The following KDM4C variants were observed in gnomAD, a reference collection of about 807,000 sequenced individuals.
KDM4C encodes lysine demethylase 4C, also known as lysine-specific demethylase 4C.
In KDM4C, 81 loss-of-function variants were observed where a neutral mutation model predicts 129.3. The observed-to-expected ratio is 0.63, with a 90% CI of 0.52 to 0.75. The LOEUF is 0.75. KDM4C is among the 30% of genes least tolerant of loss of function. KDM4C has a pLI of 0.00. For synonymous variants in KDM4C, 573 were observed against 456.1 expected, an observed-to-expected ratio of 1.26 and a Z score of -3.26; for missense variants, 1,457 against 1,304.0, an observed-to-expected ratio of 1.12 and a Z score of -1.81.
At chr9:6,891,884 A>G (rs964486214) in intron 7 of KDM4C, among the ~76,000 whole-genome samples, 1 of 152,180 alleles carries the variant, frequency 6.6e-6, no homozygotes, top group Non-Finnish European at 1.5e-5. Flanking sequence ...GGGGCATGGG[A>G]TATACAGGTA....
intron 19 of KDM4C, among the ~76,000 whole-genome samples, chr9:7,160,732 A>G (rs1021339013): frequency 1.3e-5 from 2 of 152,106 alleles, no homozygotes; most frequent in African/African-American, 4.8e-5. Context: ...CACCTATATG[A>G]GGTGTCTGTT....
intron 19 of KDM4C, among the ~76,000 whole-genome samples, chr9:7,148,431 C>T (rs750487598): frequency 6.1e-4 from 93 of 152,298 alleles, no homozygotes; most frequent in Middle Eastern, 3.4e-3. Flanking sequence ...AGCTCTTTCC[C>T]GTTGTGTGGG....
intron 1 of KDM4C, among the ~76,000 whole-genome samples, chr9:6,730,910 A>G (rs1046279309): frequency 6.6e-6 from 1 of 152,174 alleles, no homozygotes; most frequent in Non-Finnish European, 1.5e-5. Flanking sequence ...GTTACAGGCA[A>G]ATACTCCTAA....
chr9:6,839,948 T>C (rs77434087), intron 4 of KDM4C, among the ~76,000 whole-genome samples: 9,955 of 151,176 alleles, frequency 0.066, 480 homozygotes, highest in Non-Finnish European at 0.1. Flanking sequence ...AGAAACACCA[T>C]GTCACAATGC....
chr9:6,910,114 T>A (rs1819018396), intron 8 of KDM4C, among the ~76,000 whole-genome samples: 1 of 152,180 alleles, frequency 6.6e-6, no homozygotes, highest in Admixed American at 6.5e-5. Context: ...TAAAACCATG[T>A]TTTAAGGAAA....
chr9:6,881,853 G>A (rs1844506437), intron 6 of KDM4C, among the ~76,000 whole-genome samples: 1 of 152,194 alleles, frequency 6.6e-6, no homozygotes, highest in African/African-American at 2.4e-5. Flanking sequence ...ATTGAATTCT[G>A]CTAAATAATT....
intron 17 of KDM4C, among the ~76,000 whole-genome samples, chr9:7,091,932 C>G (rs948894837): frequency 1.3e-5 from 2 of 152,200 alleles, no homozygotes; most frequent in Non-Finnish European, 2.9e-5. Flanking sequence ...ACATGCTTCT[C>G]TGCGCTGTTT....
At chr9:6,931,724 C>T (rs1823775150) in intron 8 of KDM4C, among the ~76,000 whole-genome samples, 1 of 152,152 alleles carries the variant, frequency 6.6e-6, no homozygotes, top group Admixed American at 6.5e-5. Flanking sequence ...TGGTCTTGAA[C>T]TGCTGGACTC....
chr9:6,975,313 C>T lies in KDM4C; in HGVS notation c.922-5612C>T, dbSNP rs75776708. Among the ~76,000 whole-genome samples, 3 of 152,286 alleles carry T rather than the reference C, an allele frequency of 2.0e-5. No individual in the cohort carries two copies. The East Asian group carries it at 5.8e-4, about 29-fold the overall frequency. On this transcript the variant is annotated intron_variant, in intron 8 of 21. Coordinates refer to ENST00000381309, the MANE Select transcript of KDM4C (RefSeq NM_015061.6). Reference sequence around the variant, plus strand: ...GAAAGCAAATATAATGAGTCCCGGACATTTATTTGCAGCTACAATTTCAGT... The same window carrying T: ...GAAAGCAAATATAATGAGTCCCGGATATTTATTTGCAGCTACAATTTCAGT...
chr9:6,856,539 CGTGTGTGT>C (rs201267627), intron 5 of KDM4C, among the ~76,000 whole-genome samples: 108 of 131,594 alleles, frequency 8.2e-4, no homozygotes, highest in Admixed American at 2.5e-3. Flanking sequence ...TCTCTGTGTG[CGTGTGTGT>C]GTGTGTGTGT....
At position 6,917,383 on chromosome 9, in the gene KDM4C, TC is replaced by T. The variant is rs58236243; in HGVS notation, c.921+24152del. Among the ~76,000 whole-genome samples the T allele has an allele frequency of 2.7e-3, 404 of 152,330 alleles. 2 individuals are homozygous for T. Among genetic ancestry groups the T allele is most frequent in the African/African-American group, 9.2e-3 (384 of 41,574 alleles). On this transcript the variant is annotated intron_variant, in intron 8 of 21. Coordinates refer to ENST00000381309, the MANE Select transcript of KDM4C (RefSeq NM_015061.6). ...GATCCTACTTTTCATGGTTGCTCAC[TC>T]ACCTCAACTTCTTACTTCCCCCTTT...
intron 1 of KDM4C, among the ~76,000 whole-genome samples, chr9:6,762,958 C>A (rs1238763535): frequency 6.6e-6 from 1 of 151,950 alleles, no homozygotes; most frequent in African/African-American, 2.4e-5. Flanking sequence ...CCACACCCGG[C>A]CAGGTCATTG....
Position 6,917,858 on chromosome 9 carries a change from G to C in KDM4C, c.921+24626G>C, listed in dbSNP as rs551711326. On this transcript the variant is annotated intron_variant, in intron 8 of 21. Transcript: ENST00000381309. ...TTTATGGGTCTAAGTGAGGCCACTT[G>C]TGCACTTGACCCCAGCCCCTCTTGC... 1.1e-4 allele frequency among the ~76,000 whole-genome samples: 16 copies of C among 152,198 alleles called. 1 individual carries two copies. Among genetic ancestry groups the C allele is most frequent in the South Asian group, 4.2e-4 (2 of 4,814 alleles).
intron 1 of KDM4C, among the ~76,000 whole-genome samples, chr9:6,790,014 C>T (rs1588278165): frequency 6.7e-6 from 1 of 150,182 alleles, no homozygotes; most frequent in East Asian, 2.1e-4. Flanking sequence ...TGGCTCACGC[C>T]TGTAATCCCA....
intron 19 of KDM4C, among the ~76,000 whole-genome samples, chr9:7,138,769 A>C (rs988660050): frequency 6.6e-6 from 1 of 152,192 alleles, no homozygotes; most frequent in African/African-American, 2.4e-5. Context: ...ACAGTGGGCT[A>C]TGATCACACC....
chr9:6,892,991 C>A (rs1029676043), intron 7 of KDM4C, 104 bp from the exon 8 acceptor site: 8 of 904,066 alleles, frequency 8.8e-6, no homozygotes, highest in Non-Finnish European at 1.1e-5. Context: ...GCTCTGATAT[C>A]AAGACTTTTT....
intron 8 of KDM4C, among the ~76,000 whole-genome samples, chr9:6,974,175 A>T (rs150234763): frequency 6.6e-6 from 1 of 152,202 alleles, no homozygotes; most frequent in East Asian, 1.9e-4. Context: ...ATTCAAGTGG[A>T]TGACTTACTT....
chr9:7,125,137 C>G (rs1246510495), intron 18 of KDM4C, among the ~76,000 whole-genome samples: 1 of 152,166 alleles, frequency 6.6e-6, no homozygotes, highest in Non-Finnish European at 1.5e-5. Context: ...GCCCTGACCC[C>G]TGCTCCCCGG....
intron 8 of KDM4C, among the ~76,000 whole-genome samples, chr9:6,912,870 A>G (rs1758138969): frequency 6.6e-6 from 1 of 152,202 alleles, no homozygotes; most frequent in South Asian, 2.1e-4. Flanking sequence ...GAAATAAGGA[A>G]AAGAATATTT....
Sources: allele counts gnomAD v4.1 joint callset (sites outside exome capture counted in the v4.1 genomes callset), GRCh38; gene constraint gnomAD v4.1.1; transcripts MANE v1.5; gene names NCBI Gene and HGNC (gene_info 2026-07-23, HGNC 2026-07-21).